HNRNPH1: variants seen among roughly 807,000 people sequenced by gnomAD.
HNRNPH1 encodes the protein heterogeneous nuclear ribonucleoprotein H1.
Under a neutral mutation model 58.6 loss-of-function variants are expected in HNRNPH1, and 4 were observed. The observed-to-expected ratio is 0.07, with a 90% CI of 0.03 to 0.16. HNRNPH1 has a LOEUF of 0.16. Among genes scored for constraint, HNRNPH1 ranks in the 10% least tolerant of loss-of-function variants. The pLI is 1.00. For missense variants in HNRNPH1, 271 were observed against 564.2 expected (o/e 0.48, Z 5.26); for synonymous variants, 192 against 189.2 (o/e 1.01, Z -0.12).
chr5:179,617,478 C>T, intron 8 of HNRNPH1, 36 bp downstream of exon 9: 1 of 1,601,982 alleles, frequency 6.2e-7, no homozygotes, highest in Non-Finnish European at 8.5e-7. Flanking sequence ...CACACAATCA[C>T]CTGTTAAGAG....
intron 1 of HNRNPH1, chr5:179,622,717 GA>G: frequency 1.3e-5 from 2 of 152,054 alleles, no homozygotes; most frequent in Admixed American, 6.6e-5. Context: ...AAAAGAAAAA[GA>G]AAAAAAGACA....
exon 1 of HNRNPH1, chr5:179,623,072 G>T: frequency 6.2e-7 from 1 of 1,604,364 alleles, no homozygotes; most frequent in Non-Finnish European, 8.5e-7. Flanking sequence ...GGCCGAGCAA[G>T]ACCAGGGCAA....
At position 179,615,271 on chromosome 5, in the gene HNRNPH1, C is replaced by T. The variant is rs935358330; in HGVS notation, c.*275G>A. 1.1e-4 allele frequency: 50 copies of T among 439,750 alleles called. No homozygotes were observed. In the Middle Eastern group the frequency reaches 2.4e-3, roughly 21 times the overall value. 27.2% of individuals were successfully genotyped at this position (439,750 alleles called of 1,614,324 possible). ...GCAAAATTACTTCGTATTTTTAAAG[C>T]TAAACAAGGCATTTTTAAAAAAAAT... On this transcript the variant is annotated intron_variant, in intron 12 of 12. Transcript: ENST00000356731.
chr5:179,632,399 G>A (rs6876740), intron 2 of HNRNPH1, among the ~76,000 whole-genome samples: 27,025 of 152,276 alleles, frequency 0.18, 3,727 homozygotes, highest in East Asian at 0.65. Flanking sequence ...AGGCAGCACG[G>A]TCCGCCCTTG....
chr5:179,619,234 A>G, intron 4 of HNRNPH1, 35 bp downstream of exon 5: 5 of 1,550,986 alleles, frequency 3.2e-6, no homozygotes, highest in Non-Finnish European at 4.4e-6. Context: ...TTACCATAAG[A>G]AAAGTGACAT....
chr5:179,619,563 T>C, intron 3 of HNRNPH1, 156 bp from the exon 5 acceptor site: 2 of 586,634 alleles, frequency 3.4e-6, no homozygotes, highest in Non-Finnish European at 3.0e-6. Context: ...ATTGCAATAA[T>C]ATGAAGTTCC....
chr5:179,620,384 C>T (rs1024379214), intron 3 of HNRNPH1, among the ~76,000 whole-genome samples: 1 of 152,216 alleles, frequency 6.6e-6, no homozygotes, highest in African/African-American at 2.4e-5. Flanking sequence ...ACTCTCACTA[C>T]ATCTGATTTT....
At chr5:179,620,538 A>C (rs957037519) in intron 3 of HNRNPH1, 1 of 196,282 alleles carries the variant, frequency 5.1e-6, no homozygotes, top group Admixed American at 5.7e-5. Context: ...AATTTACAAC[A>C]ACCTAATTCA....
At chr5:179,622,100 G>T (rs1280555385) in intron 1 of HNRNPH1, 12 of 415,752 alleles carry the variant, frequency 2.9e-5, no homozygotes, top group Admixed American at 2.9e-4. Flanking sequence ...AGGACATTCT[G>T]ATAGAAAATA....
chr5:179,628,540 G>C (rs1473294784), upstream of HNRNPH1, among the ~76,000 whole-genome samples: 4 of 151,874 alleles, frequency 2.6e-5, no homozygotes, highest in Admixed American at 6.6e-5. Context: ...TTTTAGTAGA[G>C]ACCGGGTTTT....
chr5:179,617,170 CTTTTATAAAGT>C lies in HNRNPH1; in HGVS notation c.1058-71_1058-61del. The C allele has an allele frequency of 7.2e-6, 11 of 1,526,612 alleles. No individual in the cohort carries two copies. The South Asian group carries it at 1.3e-4, about 18-fold the overall frequency. The allele number at this position is 1,526,612 out of a possible 1,614,324, so 94.6% of individuals were successfully genotyped here. A position where few individuals can be genotyped will look rare whatever the true frequency, so the allele number is the denominator to read the frequency against. On this transcript the variant is annotated intron_variant, in intron 8 of 12. Transcript: ENST00000356731. Reference sequence around the variant, plus strand: ...TTGGTGAAACAAAACAGAATAAGCACTTTTATAAAGTTTTTAAACAAGCAGATCTGTGAACT... The same window carrying C: ...TTGGTGAAACAAAACAGAATAAGCACTTTTAAACAAGCAGATCTGTGAACT...
chr5:179,630,866 G>A (rs189989491), intron 2 of HNRNPH1, among the ~76,000 whole-genome samples: 1 of 148,940 alleles, frequency 6.7e-6, no homozygotes, highest in African/African-American at 2.5e-5. Flanking sequence ...AGCCGAGATC[G>A]TGCCACTGCA....
chr5:179,616,134 C>G, exon 11 of HNRNPH1: 1 of 1,613,338 alleles, frequency 6.2e-7, no homozygotes, highest in Non-Finnish European at 8.5e-7. Context: ...ACCGTATCCA[C>G]TCATGCTGCT....
chr5:179,620,379 C>T (rs571680781), intron 3 of HNRNPH1, among the ~76,000 whole-genome samples: 1 of 152,342 alleles, frequency 6.6e-6, no homozygotes, highest in African/African-American at 2.4e-5. Flanking sequence ...AAACTACTCT[C>T]ACTACATCTG....
At chr5:179,616,714 G>C in intron 10 of HNRNPH1, 155 bp downstream of exon 11, 1 of 667,414 alleles carries the variant, frequency 1.5e-6, no homozygotes, top group Non-Finnish European at 2.6e-6. Context: ...AACTCACAAG[G>C]ATTTAAGTAA....
At chr5:179,614,902 C>T (rs1768759237) in exon 13 of HNRNPH1, 1 of 1,550,190 alleles carries the variant, frequency 6.5e-7, no homozygotes, top group African/African-American at 1.4e-5. Context: ...TCCGTTCACG[C>T]CCATAGATGC....
exon 1 of HNRNPH1, chr5:179,623,855 C>T (rs1217130266): frequency 2.0e-5 from 3 of 152,318 alleles, no homozygotes; most frequent in Non-Finnish European, 4.4e-5. Flanking sequence ...CACCCCCACC[C>T]ATAAACCCGC....
At chr5:179,632,102 C>T (rs1336553342) in intron 2 of HNRNPH1, among the ~76,000 whole-genome samples, 1 of 152,074 alleles carries the variant, frequency 6.6e-6, no homozygotes, top group Non-Finnish European at 1.5e-5. Flanking sequence ...GTCAGGAGAT[C>T]GAGACCATCC....
At chr5:179,625,891 C>T (rs920176654), upstream of HNRNPH1, among the ~76,000 whole-genome samples, 1 of 151,934 alleles carries the variant, frequency 6.6e-6, no homozygotes, top group East Asian at 1.9e-4. Context: ...GCCTCAGCCT[C>T]CTGAGTAGGT....
Sources: allele counts gnomAD v4.1 joint callset (sites outside exome capture counted in the v4.1 genomes callset), GRCh38; gene constraint gnomAD v4.1.1; transcripts MANE v1.5; gene names NCBI Gene and HGNC (gene_info 2026-07-23, HGNC 2026-07-21).